The following ADGRF5 variants were observed in gnomAD, a reference collection of about 807,000 sequenced individuals.
The protein encoded by ADGRF5 is adhesion G protein-coupled receptor F5, also known as G-protein coupled receptor 116.
Under a neutral mutation model 132.3 loss-of-function variants are expected in ADGRF5, and 75 were observed. The observed-to-expected ratio is 0.57, with a 90% CI of 0.47 to 0.69. The LOEUF (loss-of-function observed/expected upper bound fraction) is 0.69. Among genes scored for constraint, ADGRF5 ranks in the 30% least tolerant of loss-of-function variants. The probability of loss-of-function intolerance (pLI) is 0.00; values close to 1 mark genes in which losing one functional copy is unlikely to be tolerated. For synonymous variants in ADGRF5, 629 were observed against 597.6 expected, an observed-to-expected ratio of 1.05 and a Z score of -0.77; for missense variants, 1,516 against 1,630.6, an observed-to-expected ratio of 0.93 and a Z score of 1.21.
chr6:46,947,088 C>G (rs1038943900), intron 1 of ADGRF5, among the ~76,000 whole-genome samples: 1 of 152,168 alleles, frequency 6.6e-6, no homozygotes, highest in Admixed American at 6.5e-5. Flanking sequence ...GGCAGAATCT[C>G]TGGTTTCTCT....
At chr6:46,934,304 G>A (rs147493258) in intron 1 of ADGRF5, among the ~76,000 whole-genome samples, 1 of 152,294 alleles carries the variant, frequency 6.6e-6, no homozygotes, top group East Asian at 1.9e-4. Flanking sequence ...TCTGGACCAT[G>A]GAGATATCTA....
chr6:46,953,378 T>C (rs1778570160), intron 1 of ADGRF5, among the ~76,000 whole-genome samples: 1 of 151,954 alleles, frequency 6.6e-6, no homozygotes, highest in East Asian at 1.9e-4. Context: ...TCCCAGCATT[T>C]TGGGAGGCCA....
rs539567080 is a variant in ADGRF5, at chr6:46,889,209, T to C, written c.158-704A>G. Among the ~76,000 whole-genome samples the C allele has an allele frequency of 8.6e-3, 1,265 of 146,572 alleles. 20 individuals carry two copies. The highest frequency in any genetic ancestry group is 0.029 in the African/African-American group (1,152 of 40,002). On this transcript the variant is annotated intron_variant, in intron 3 of 20. Coordinates refer to ENST00000283296, the MANE Select transcript of ADGRF5 (RefSeq NM_001098518.2). ...TACATATATATATATATATATAAAA[T>C]ATATAGAGAGAGTATATATAGTATA... is the stretch of plus-strand genomic sequence containing the variant.
chr6:46,937,877 A>G (rs1777908293), intron 1 of ADGRF5, among the ~76,000 whole-genome samples: 1 of 152,208 alleles, frequency 6.6e-6, no homozygotes, highest in East Asian at 1.9e-4. Flanking sequence ...GTAAGGCAGC[A>G]TGAACAGCAT....
At position 46,912,421 on chromosome 6, in the gene ADGRF5, A is replaced by C. The variant is rs186395632; in HGVS notation, c.-24-5635T>G. Among the ~76,000 whole-genome samples, 10 of 152,324 alleles carry C rather than the reference A, an allele frequency of 6.6e-5. No individual in the cohort carries two copies. In the East Asian group the frequency reaches 1.9e-3, roughly 29 times the overall value. On this transcript the variant is annotated intron_variant, in intron 1 of 20. Coordinates refer to ENST00000283296, the MANE Select transcript of ADGRF5 (RefSeq NM_001098518.2). ...AAAGGCCCTGAGGTGAAGAAAGAGC[A>C]TGACACATTTGAGGAGCTGCAAGCA...
intron 3 of ADGRF5, among the ~76,000 whole-genome samples, chr6:46,891,799 A>G (rs1773673621): frequency 6.6e-6 from 1 of 152,088 alleles, no homozygotes; most frequent in Non-Finnish European, 1.5e-5. Context: ...ATCAAGAACT[A>G]AGAGGAAAGG....
At chr6:46,873,365 A>G (rs1312731477) in intron 10 of ADGRF5, among the ~76,000 whole-genome samples, 2 of 151,700 alleles carry the variant, frequency 1.3e-5, no homozygotes, top group Admixed American at 1.3e-4. Context: ...CCTCTCCTCT[A>G]CCGAAAGTGT....
chr6:46,933,841 T>C (rs1777685211), intron 1 of ADGRF5, among the ~76,000 whole-genome samples: 1 of 152,186 alleles, frequency 6.6e-6, no homozygotes, highest in Admixed American at 6.5e-5. Context: ...ACTAAACTAT[T>C]TTTGGATCTG....
Position 46,882,084 on chromosome 6 carries a change from T to A in ADGRF5, c.636A>T (p.Leu212Phe). 2 of 1,611,658 alleles carry A rather than the reference T, an allele frequency of 1.2e-6. No homozygotes were observed. Among genetic ancestry groups the A allele is most frequent in the Non-Finnish European group, 1.7e-6 (2 of 1,177,838 alleles). ...TCACAGTCACGCCCTTGAAGCCTGGTAAAATTCCGTAACCCTTCCGGAACT... is the reference window on the plus strand; with the variant it reads ...TCACAGTCACGCCCTTGAAGCCTGGAAAAATTCCGTAACCCTTCCGGAACT... ...ETAFRKGYGI[L>F]PGFKGVTVTG... Residue 212 changes from leucine to phenylalanine, a missense_variant, in exon 7 of 21, where the codon TTA (leucine) becomes TTT (phenylalanine). Leu to Phe is a conservative substitution (Grantham distance 22, BLOSUM62 0). Coordinates refer to ENST00000283296, the MANE Select transcript of ADGRF5 (RefSeq NM_001098518.2).
chr6:46,914,162 A>G (rs151021364), intron 1 of ADGRF5, among the ~76,000 whole-genome samples: 327 of 152,302 alleles, frequency 2.1e-3, no homozygotes, highest in African/African-American at 7.1e-3. Flanking sequence ...AAATTTTACT[A>G]TGATTATTAC....
At chr6:46,954,335 A>C (rs1778642581) in intron 1 of ADGRF5, among the ~76,000 whole-genome samples, 1 of 152,084 alleles carries the variant, frequency 6.6e-6, no homozygotes, top group African/African-American at 2.4e-5. Context: ...TCTACTATTT[A>C]ACTGAAAACC....
chr6:46,872,347 C>T (rs1194518402), intron 10 of ADGRF5, among the ~76,000 whole-genome samples: 7 of 152,132 alleles, frequency 4.6e-5, no homozygotes, highest in Non-Finnish European at 8.8e-5. Context: ...TATACATAAA[C>T]TCTTAGAAAA....
intron 3 of ADGRF5, among the ~76,000 whole-genome samples, chr6:46,897,004 A>G (rs1343891661): frequency 6.6e-6 from 1 of 152,106 alleles, no homozygotes; most frequent in Non-Finnish European, 1.5e-5. Context: ...CAGGGACTTC[A>G]GCATATGCAC....
chr6:46,904,218 T>C (rs1405354734), intron 2 of ADGRF5, among the ~76,000 whole-genome samples: 1 of 152,188 alleles, frequency 6.6e-6, no homozygotes, highest in African/African-American at 2.4e-5. Context: ...ATCATCACCC[T>C]TTAAAAGCCC....
At chr6:46,944,009 A>T (rs1355399940) in intron 1 of ADGRF5, among the ~76,000 whole-genome samples, 1 of 152,170 alleles carries the variant, frequency 6.6e-6, no homozygotes, top group Non-Finnish European at 1.5e-5. Flanking sequence ...CACTTTTCTA[A>T]ACAAAGCTGG....
intron 1 of ADGRF5, among the ~76,000 whole-genome samples, chr6:46,941,406 G>GAAAAGAAAAGAAAAGAA (rs1561838609): frequency 4.6e-4 from 13 of 28,132 alleles, no homozygotes; most frequent in East Asian, 3.0e-3. Context: ...GAAAAGAAAA[G>GAAAAGAAAAGAAAAGAA]AAAAGAAAAG....
intron 7 of ADGRF5, 53 bp from the exon 8 acceptor site, chr6:46,881,650 A>G: frequency 1.3e-6 from 2 of 1,527,460 alleles, no homozygotes; most frequent in Non-Finnish European, 1.8e-6. Flanking sequence ...GGAAGAGTCT[A>G]GATATTTATG....
rs1027535529 is a variant in ADGRF5, at chr6:46,852,550, T to C, written c.*1442A>G. 3.3e-5 allele frequency: 5 copies of C among 152,222 alleles called. No homozygotes were observed. The highest frequency in any genetic ancestry group is 1.2e-4 in the African/African-American group (5 of 41,452). The allele number at this position is 152,222 out of a possible 1,614,324, so 9.4% of individuals were successfully genotyped here. A position where few individuals can be genotyped will look rare whatever the true frequency, so the allele number is the denominator to read the frequency against. On this transcript the variant is annotated 3_prime_UTR_variant, in exon 21 of 21. Coordinates refer to ENST00000283296, the MANE Select transcript of ADGRF5 (RefSeq NM_001098518.2). Reference sequence around the variant, plus strand: ...TGGGATCGGACTTTTATTTGCAATGTAGCGTTGCTGTATCAATAGTACATG... The same window carrying C: ...TGGGATCGGACTTTTATTTGCAATGCAGCGTTGCTGTATCAATAGTACATG...
intron 12 of ADGRF5, among the ~76,000 whole-genome samples, chr6:46,868,418 C>T (rs1562159356): frequency 6.6e-6 from 1 of 152,172 alleles, no homozygotes; most frequent in Non-Finnish European, 1.5e-5. Context: ...TTCTATCTAC[C>T]AATTTCTCTT....
Sources: gnomAD v4.1 joint callset for allele counts (sites outside exome capture counted in the v4.1 genomes callset) on GRCh38, gnomAD v4.1.1 for gene constraint, MANE v1.5 for transcripts, NCBI Gene and HGNC (gene_info 2026-07-23, HGNC 2026-07-21) for gene names.